PHLDB2: variants seen among roughly 807,000 people sequenced by gnomAD.
The protein encoded by PHLDB2 is pleckstrin homology like domain family B member 2.
Under a neutral mutation model 123.6 loss-of-function variants are expected in PHLDB2, and 71 were observed. That is an observed-to-expected ratio of 0.57 (90% CI 0.47 to 0.70). The LOEUF (loss-of-function observed/expected upper bound fraction) is 0.70, where lower values mean the gene tolerates loss of function less well. Ranked by LOEUF, PHLDB2 falls within the 30% of genes least tolerant of loss-of-function variation. The probability of loss-of-function intolerance (pLI) is 0.00; values close to 1 mark genes in which losing one functional copy is unlikely to be tolerated. For synonymous variants in PHLDB2, 547 were observed against 541.6 expected (o/e 1.01, Z -0.14); for missense variants, 1,446 against 1,519.5 (o/e 0.95, Z 0.80).
rs996399215 is a variant in PHLDB2 at position 111,975,631 on chromosome 3, G to A, written c.*1068G>A. 4.6e-5 allele frequency: 7 copies of A among 152,370 alleles called. No individual in the cohort carries two copies. Among genetic ancestry groups the A allele is most frequent in the South Asian group, 2.1e-4 (1 of 4,816 alleles). The allele number at this position is 152,370 out of a possible 1,614,324, so 9.4% of individuals were successfully genotyped here. On this transcript the variant is annotated 3_prime_UTR_variant, in exon 18 of 18. Transcript: ENST00000431670. The stretch of plus-strand genomic sequence containing the variant: ...AGTTCAACTTAATATTCTCTATAAT[G>A]TATTATTTTATTTTATTTTTTACAA...
intron 12 of PHLDB2, chr3:111,957,310 AAGTC>A (rs2071120270): frequency 2.0e-5 from 3 of 152,672 alleles, no homozygotes; most frequent in Non-Finnish European, 4.4e-5. Flanking sequence ...GGTCATTGTC[AAGTC>A]ATGTTTAAGA....
chr3:111,855,234 C>T (rs58242934), upstream of PHLDB2, among the ~76,000 whole-genome samples: 5,996 of 152,202 alleles, frequency 0.039, 343 homozygotes, highest in East Asian at 0.23. Flanking sequence ...GGACTGTAAC[C>T]ACTACAGATC....
At chr3:111,798,965 C>T (rs1268867507) in intron 1 of PHLDB2, among the ~76,000 whole-genome samples, 1 of 152,122 alleles carries the variant, frequency 6.6e-6, no homozygotes, top group African/African-American at 2.4e-5. Flanking sequence ...TTCAGCATGG[C>T]TAGGGAGGCC....
intron 6 of PHLDB2, among the ~76,000 whole-genome samples, chr3:111,939,025 C>G (rs1379982488): frequency 6.6e-6 from 1 of 152,074 alleles, no homozygotes; most frequent in Non-Finnish European, 1.5e-5. Context: ...CCAGGCTGGT[C>G]TCAAACTCCT....
chr3:111,822,888 GA>G (rs35370000), intron 1 of PHLDB2, among the ~76,000 whole-genome samples: 9 of 151,242 alleles, frequency 6.0e-5, no homozygotes, highest in Non-Finnish European at 1.2e-4. Context: ...TTAGCCCTCG[GA>G]AAAAAAAATA....
intron 1 of PHLDB2, among the ~76,000 whole-genome samples, chr3:111,832,649 C>T (rs1441032284): frequency 1.5e-5 from 2 of 134,092 alleles, no homozygotes; most frequent in Non-Finnish European, 3.1e-5. Context: ...TAAATAATGC[C>T]ATTATACATA....
At chr3:111,743,594 A>G (rs78579116) in intron 1 of PHLDB2, among the ~76,000 whole-genome samples, 2,541 of 152,302 alleles carry the variant, frequency 0.017, 71 homozygotes, top group African/African-American at 0.057. Flanking sequence ...CTCAAGGTTA[A>G]AGAATAAACA....
intron 1 of PHLDB2, among the ~76,000 whole-genome samples, chr3:111,866,572 G>C (rs752614418): frequency 3.3e-5 from 5 of 152,148 alleles, no homozygotes; most frequent in Non-Finnish European, 5.9e-5. Context: ...GGCAAGATCG[G>C]AGAGTTTCCC....
At chr3:111,763,316 T>G (rs115886693) in intron 1 of PHLDB2, among the ~76,000 whole-genome samples, 90 of 152,358 alleles carry the variant, frequency 5.9e-4, no homozygotes, top group African/African-American at 2.1e-3. Flanking sequence ...AACTGCAAAC[T>G]GCACAGGGCT....
rs537868379 is a variant in PHLDB2, at chr3:111,799,197, C to A, written c.-48-46624C>A. Among the ~76,000 whole-genome samples, 6 of 152,176 alleles carry A rather than the reference C, an allele frequency of 3.9e-5. No individual in the cohort carries two copies. In the South Asian group the frequency reaches 1.2e-3, roughly 32 times the overall value. The stretch of plus-strand genomic sequence containing the variant: ...CCATGACACCTAGGGATTATGGGAA[C>A]TAAAATTCAAGATGAGATTTGGGTG... On this transcript the variant is annotated intron_variant, in intron 1 of 17. Coordinates refer to the PHLDB2 transcript ENST00000393923.
intron 1 of PHLDB2, among the ~76,000 whole-genome samples, chr3:111,741,065 G>A: frequency 6.6e-6 from 1 of 152,184 alleles, no homozygotes; most frequent in Non-Finnish European, 1.5e-5. Context: ...TCTCCAATCA[G>A]TGAGCACCAT....
At chr3:111,804,513 T>A (rs189372522) in intron 1 of PHLDB2, among the ~76,000 whole-genome samples, 23 of 152,334 alleles carry the variant, frequency 1.5e-4, no homozygotes, top group Non-Finnish European at 2.2e-4. Flanking sequence ...GGCCCCAACC[T>A]ACTGATGTAT....
At chr3:111,946,942 T>G (rs1184632704) in intron 9 of PHLDB2, among the ~76,000 whole-genome samples, 1 of 152,078 alleles carries the variant, frequency 6.6e-6, no homozygotes, top group Non-Finnish European at 1.5e-5. Flanking sequence ...TTAGCTGGAT[T>G]AGCAGGTATT....
At chr3:111,814,245 G>A (rs577149966) in intron 1 of PHLDB2, among the ~76,000 whole-genome samples, 28 of 152,112 alleles carry the variant, frequency 1.8e-4, no homozygotes, top group Non-Finnish European at 2.9e-4. Flanking sequence ...CTTGATCTGG[G>A]TGGGCACAAT....
At chr3:111,894,180 G>A (rs865895399) in intron 2 of PHLDB2, among the ~76,000 whole-genome samples, 9 of 149,828 alleles carry the variant, frequency 6.0e-5, no homozygotes, top group South Asian at 2.1e-4. Flanking sequence ...TTGTTCTTGC[G>A]ATAGTTTACT....
intron 1 of PHLDB2, among the ~76,000 whole-genome samples, chr3:111,793,061 A>G (rs977889057): frequency 1.3e-5 from 2 of 152,174 alleles, no homozygotes; most frequent in Non-Finnish European, 2.9e-5. Flanking sequence ...TCAAAGCCCA[A>G]GGGCTCTACA....
chr3:111,949,903 T>C, intron 10 of PHLDB2: 3 of 983,600 alleles, frequency 3.1e-6, no homozygotes, highest in Non-Finnish European at 3.6e-6. Flanking sequence ...AATTAGGAAC[T>C]GGAATTTAGA....
chr3:111,759,168 A>C (rs1375560264), intron 1 of PHLDB2, among the ~76,000 whole-genome samples: 1 of 151,998 alleles, frequency 6.6e-6, no homozygotes, highest in Non-Finnish European at 1.5e-5. Flanking sequence ...CTGTTGTAAC[A>C]AAATACCATA....
intron 1 of PHLDB2, among the ~76,000 whole-genome samples, chr3:111,813,992 A>T (rs1385188645): frequency 6.6e-6 from 1 of 152,184 alleles, no homozygotes; most frequent in Non-Finnish European, 1.5e-5. Context: ...TAAGAGGGAG[A>T]TCTTAATTCA....
Sources: gnomAD v4.1 joint callset for allele counts (sites outside exome capture counted in the v4.1 genomes callset) on GRCh38, gnomAD v4.1.1 for gene constraint, MANE v1.5 for transcripts, NCBI Gene and HGNC (gene_info 2026-07-23, HGNC 2026-07-21) for gene names.